The following CADPS2 variants were observed in gnomAD, a reference collection of about 807,000 sequenced individuals.
The protein encoded by CADPS2 is calcium dependent secretion activator 2, also known as calcium-dependent secretion activator 2.
CADPS2 carries 93 observed loss-of-function variants against 172.5 expected under a neutral mutation model. The observed-to-expected ratio is 0.54, with a 90% CI of 0.46 to 0.64. CADPS2 has a LOEUF of 0.64. Ranked by LOEUF, CADPS2 falls within the 30% of genes least tolerant of loss-of-function variation. CADPS2 has a pLI of 0.00. For missense variants in CADPS2, 1,420 were observed against 1,565.9 expected (o/e 0.91, Z 1.57); for synonymous variants, 546 against 555.2 (o/e 0.98, Z 0.23).
chr7:122,404,053 A>C (rs2046305029), intron 20 of CADPS2, among the ~76,000 whole-genome samples: 1 of 152,116 alleles, frequency 6.6e-6, no homozygotes, highest in South Asian at 2.1e-4. Context: ...CAGGTTAGTA[A>C]CATATGTATA....
At chr7:122,600,161 A>G (rs563894390) in intron 6 of CADPS2, among the ~76,000 whole-genome samples, 3 of 152,234 alleles carry the variant, frequency 2.0e-5, no homozygotes, top group Admixed American at 6.6e-5. Flanking sequence ...CAGAAGCTAC[A>G]TGATGGAAAG....
At chr7:122,646,544 C>T (rs984150306) in intron 3 of CADPS2, among the ~76,000 whole-genome samples, 3 of 151,944 alleles carry the variant, frequency 2.0e-5, no homozygotes, top group East Asian at 1.9e-4. Context: ...AAGAGAATAA[C>T]GTGAGGTAAA....
rs75166043 is a variant in CADPS2 at position 122,883,325 on chromosome 7, C to G, written c.339+2674G>C. On this transcript the variant is annotated intron_variant, in intron 1 of 29. Transcript: ENST00000449022. ...TCTTATCTTTGTGATTAATTTTCTT[C>G]ATAAAATGAGGACCCTTTCAGATCT... 2.2e-4 allele frequency among the ~76,000 whole-genome samples: 33 copies of G among 152,262 alleles called. No individual in the cohort carries two copies. In the East Asian group the frequency reaches 6.4e-3, roughly 29 times the overall value.
At chr7:122,335,323 C>T (rs1011519784) in intron 28 of CADPS2, among the ~76,000 whole-genome samples, 3 of 152,150 alleles carry the variant, frequency 2.0e-5, no homozygotes, top group African/African-American at 7.2e-5. Flanking sequence ...AATCTTGGCT[C>T]ACTGCAACCT....
At chr7:122,665,782 G>A (rs1238992522) in intron 2 of CADPS2, among the ~76,000 whole-genome samples, 1 of 152,198 alleles carries the variant, frequency 6.6e-6, no homozygotes, top group Admixed American at 6.5e-5. Flanking sequence ...CTCTGCATGT[G>A]TAACACATTC....
intron 3 of CADPS2, among the ~76,000 whole-genome samples, chr7:122,643,988 C>T (rs2078001169): frequency 6.6e-6 from 1 of 152,054 alleles, no homozygotes; most frequent in Middle Eastern, 3.4e-3. Context: ...ACTCCAGAGG[C>T]TGAGGCATGA....
intron 24 of CADPS2, among the ~76,000 whole-genome samples, chr7:122,380,676 G>A (rs530683854): frequency 1.6e-4 from 25 of 152,216 alleles, no homozygotes; most frequent in African/African-American, 6.0e-4. Flanking sequence ...TTCTGTGTGA[G>A]TCTGAGTGTG....
At chr7:122,398,666 T>C (rs750650529) in intron 20 of CADPS2, among the ~76,000 whole-genome samples, 4 of 151,922 alleles carry the variant, frequency 2.6e-5, no homozygotes, top group East Asian at 1.9e-4. Flanking sequence ...ACAGAAAATA[T>C]GAATATGGGC....
At chr7:122,864,371 T>C (rs1017706950) in intron 1 of CADPS2, among the ~76,000 whole-genome samples, 1 of 152,012 alleles carries the variant, frequency 6.6e-6, no homozygotes, top group South Asian at 2.1e-4. Context: ...TTCCAGCTAC[T>C]TGGGAGGCTG....
chr7:122,508,083 GTAGATA>G (rs1245145977), intron 9 of CADPS2, among the ~76,000 whole-genome samples: 1 of 151,970 alleles, frequency 6.6e-6, no homozygotes, highest in Non-Finnish European at 1.5e-5. Flanking sequence ...ACACATACCT[GTAGATA>G]TAAAGACATA....
chr7:122,330,464 T>C (rs553962956), intron 28 of CADPS2, among the ~76,000 whole-genome samples: 1 of 152,326 alleles, frequency 6.6e-6, no homozygotes, highest in South Asian at 2.1e-4. Flanking sequence ...GCAAATGTTA[T>C]ATTAATGGTA....
At chr7:122,594,525 A>G (rs2071430522) in intron 6 of CADPS2, among the ~76,000 whole-genome samples, 1 of 151,966 alleles carries the variant, frequency 6.6e-6, no homozygotes, top group African/African-American at 2.4e-5. Context: ...TGTCCTTTAA[A>G]GTCTGTATTT....
At chr7:122,635,707 C>G (rs945685241) in intron 3 of CADPS2, among the ~76,000 whole-genome samples, 4 of 152,108 alleles carry the variant, frequency 2.6e-5, no homozygotes. Flanking sequence ...GGTTCCAAGT[C>G]TTTGCTACTG....
At chr7:122,806,123 T>C (rs368591458) in intron 1 of CADPS2, among the ~76,000 whole-genome samples, 10 of 152,204 alleles carry the variant, frequency 6.6e-5, no homozygotes, top group East Asian at 5.8e-4. Context: ...GCAGTCACAA[T>C]AGATGAGACT....
At chr7:122,723,492 C>A (rs1349780969) in intron 2 of CADPS2, among the ~76,000 whole-genome samples, 2 of 152,116 alleles carry the variant, frequency 1.3e-5, no homozygotes, top group Admixed American at 1.3e-4. Context: ...CATCTCAAAC[C>A]AGTTAGAATG....
intron 1 of CADPS2, among the ~76,000 whole-genome samples, chr7:122,747,441 A>T (rs1228406007): frequency 2.0e-5 from 3 of 152,068 alleles, no homozygotes; most frequent in Non-Finnish European, 2.9e-5. Flanking sequence ...ATAATGAGGG[A>T]CTCATTCTTT....
At chr7:122,643,412 C>G (rs912171159) in intron 3 of CADPS2, among the ~76,000 whole-genome samples, 10 of 152,228 alleles carry the variant, frequency 6.6e-5, no homozygotes, top group Admixed American at 1.3e-4. Context: ...CCCACAAACA[C>G]ATGAGCTCTG....
rs1588455297 is a variant in CADPS2, at chr7:122,691,744, C to A, written c.454-28175G>T. On this transcript the variant is annotated intron_variant, in intron 2 of 29. Transcript: ENST00000449022. Reference sequence around the variant, plus strand: ...GAATGCATTGGTCAGGTCCACCACACAGTGGCACCATCCCAGTTCTATTGT... The same window carrying A: ...GAATGCATTGGTCAGGTCCACCACAAAGTGGCACCATCCCAGTTCTATTGT... 3.3e-5 allele frequency among the ~76,000 whole-genome samples: 5 copies of A among 152,308 alleles called. No individual in the cohort carries two copies. In the South Asian group the frequency reaches 1.0e-3, roughly 32 times the overall value.
At chr7:122,389,899 A>T (rs115437532) in intron 22 of CADPS2, among the ~76,000 whole-genome samples, 3,839 of 151,626 alleles carry the variant, frequency 0.025, 93 homozygotes, top group African/African-American at 0.062. Flanking sequence ...AAGTAAAATT[A>T]AAAAAAAATA....
Sources: gnomAD v4.1 joint callset for allele counts (sites outside exome capture counted in the v4.1 genomes callset) on GRCh38, gnomAD v4.1.1 for gene constraint, MANE v1.5 for transcripts, NCBI Gene and HGNC (gene_info 2026-07-23, HGNC 2026-07-21) for gene names.